HHAT: variants seen among roughly 807,000 people sequenced by gnomAD.
The protein encoded by HHAT is protein-cysteine N-palmitoyltransferase HHAT.
A neutral mutation model predicts 70.8 loss-of-function variants in HHAT; 47 were observed. The observed-to-expected ratio is 0.66, with a 90% CI of 0.53 to 0.85. HHAT has a LOEUF of 0.85. HHAT is among the 40% of genes least tolerant of loss of function. HHAT has a pLI of 0.00. For missense variants in HHAT, 609 were observed against 604.8 expected (o/e 1.01, Z -0.07); for synonymous variants, 228 against 247.6 (o/e 0.92, Z 0.74).
intron 10 of HHAT, among the ~76,000 whole-genome samples, chr1:210,611,886 C>T (rs6540612): frequency 0.8 from 121,693 of 152,068 alleles, 51,213 homozygotes; most frequent in East Asian, 0.99. Context: ...AGCTTTTTGA[C>T]GTGCTGCTGG....
chr1:210,639,285 CAA>C (rs1018510052), intron 11 of HHAT, among the ~76,000 whole-genome samples: 3 of 151,506 alleles, frequency 2.0e-5, no homozygotes, highest in African/African-American at 7.3e-5. Flanking sequence ...AAACAAAATA[CAA>C]AAAAAAACTT....
At chr1:210,636,739 G>A (rs1195456537) in intron 11 of HHAT, among the ~76,000 whole-genome samples, 4 of 152,112 alleles carry the variant, frequency 2.6e-5, no homozygotes, top group African/African-American at 9.7e-5. Context: ...CAGAAATCCT[G>A]CTTTTCCTCT....
chr1:210,614,200 A>G (rs1667188799), intron 10 of HHAT, among the ~76,000 whole-genome samples: 1 of 151,812 alleles, frequency 6.6e-6, no homozygotes, highest in Non-Finnish European at 1.5e-5. Flanking sequence ...TGCTTTCTTA[A>G]TTTCCTTTTC....
intron 7 of HHAT, among the ~76,000 whole-genome samples, chr1:210,420,652 A>C (rs935159473): frequency 7.3e-5 from 11 of 149,746 alleles, no homozygotes; most frequent in Admixed American, 5.4e-4. Context: ...CTTAAAGTAT[A>C]ATAATAATAA....
chr1:210,541,113 T>A (rs1273520233), intron 9 of HHAT, among the ~76,000 whole-genome samples: 3 of 152,186 alleles, frequency 2.0e-5, no homozygotes, highest in African/African-American at 7.2e-5. Context: ...AGTGCAAGGA[T>A]TACAGGTGTG....
At position 210,347,782 on chromosome 1, in the gene HHAT, G is replaced by A. The variant is rs182498667; in HGVS notation, c.-43-1151G>A. Among the ~76,000 whole-genome samples the A allele has an allele frequency of 6.2e-4, 95 of 152,216 alleles. 1 individual carries two copies. The highest frequency in any genetic ancestry group is 2.2e-3 in the African/African-American group (92 of 41,520). On this transcript the variant is annotated intron_variant, in intron 1 of 11. Coordinates refer to ENST00000261458, the MANE Select transcript of HHAT (RefSeq NM_018194.6). ...TGGTACCTGGATTTGGGGACTGAGA[G>A]GCCTCTGTCTTGTCCATGTGGCTTT... is the stretch of plus-strand genomic sequence containing the variant.
intron 10 of HHAT, among the ~76,000 whole-genome samples, chr1:210,597,423 G>A (rs1354851542): frequency 6.6e-6 from 1 of 152,160 alleles, no homozygotes; most frequent in Non-Finnish European, 1.5e-5. Flanking sequence ...AGGGTTATGG[G>A]TTCCTCCTGG....
intron 3 of HHAT, among the ~76,000 whole-genome samples, chr1:210,384,908 C>G (rs539349865): frequency 1.3e-5 from 2 of 152,126 alleles, no homozygotes; most frequent in Admixed American, 1.3e-4. Context: ...ATTGGCCCAG[C>G]TTTTCTGTTT....
chr1:210,419,212 G>T (rs773081487), intron 7 of HHAT, among the ~76,000 whole-genome samples: 24 of 152,132 alleles, frequency 1.6e-4, no homozygotes, highest in East Asian at 5.8e-4. Flanking sequence ...GCACATTGAG[G>T]GTGTACCTTG....
chr1:210,335,318 G>GAAA (rs11371332), intron 1 of HHAT, among the ~76,000 whole-genome samples: 102 of 145,704 alleles, frequency 7.0e-4, no homozygotes, highest in South Asian at 2.0e-3. Flanking sequence ...CATTCATGAT[G>GAAA]AAAAAAAAAA....
At chr1:210,647,734 C>T (rs1425294842) in intron 11 of HHAT, among the ~76,000 whole-genome samples, 15 of 152,316 alleles carry the variant, frequency 9.8e-5, no homozygotes, top group Non-Finnish European at 2.9e-5. Context: ...ACAGATTTCT[C>T]TTCTTAAATT....
At chr1:210,463,953 C>T (rs12407384) in intron 7 of HHAT, among the ~76,000 whole-genome samples, 18,928 of 152,160 alleles carry the variant, frequency 0.12, 1,524 homozygotes, top group South Asian at 0.17. Context: ...AACAGGCATA[C>T]GATGCATAAT....
chr1:210,362,062 C>T (rs1047510866), intron 2 of HHAT, among the ~76,000 whole-genome samples: 2 of 152,168 alleles, frequency 1.3e-5, no homozygotes, highest in African/African-American at 4.8e-5. Context: ...GGTTACTGTA[C>T]CTCCTCAAGA....
At chr1:210,649,968 C>T (rs772349242) in intron 11 of HHAT, among the ~76,000 whole-genome samples, 4 of 152,190 alleles carry the variant, frequency 2.6e-5, no homozygotes, top group Non-Finnish European at 5.9e-5. Flanking sequence ...TGTTAGGCTT[C>T]AGGAAAGCTT....
At chr1:210,352,655 C>T (rs892469095) in intron 2 of HHAT, among the ~76,000 whole-genome samples, 12 of 152,066 alleles carry the variant, frequency 7.9e-5, no homozygotes, top group African/African-American at 1.7e-4. Flanking sequence ...GGGGTTGTCA[C>T]GTGGTTGGGG....
intron 7 of HHAT, among the ~76,000 whole-genome samples, chr1:210,451,999 G>T (rs547905957): frequency 2.6e-5 from 4 of 152,302 alleles, no homozygotes; most frequent in African/African-American, 9.6e-5. Flanking sequence ...TCAAGGAGAG[G>T]CTAGGATTCT....
At chr1:210,378,214 A>T (rs1278208661) in intron 3 of HHAT, among the ~76,000 whole-genome samples, 1 of 152,208 alleles carries the variant, frequency 6.6e-6, no homozygotes, top group African/African-American at 2.4e-5. Flanking sequence ...CATTAAGGTC[A>T]GTTTGCTGCC....
intron 6 of HHAT, among the ~76,000 whole-genome samples, chr1:210,411,925 C>T (rs1049257324): frequency 7.2e-5 from 11 of 152,152 alleles, no homozygotes; most frequent in African/African-American, 2.4e-4. Context: ...ACGGCTATAA[C>T]AAAATATCAT....
intron 6 of HHAT, among the ~76,000 whole-genome samples, chr1:210,415,137 A>G (rs1157206048): frequency 1.3e-5 from 2 of 152,228 alleles, no homozygotes; most frequent in Non-Finnish European, 2.9e-5. Flanking sequence ...CATTGAATAA[A>G]AGTAGTTTTC....
Sources: allele counts gnomAD v4.1 joint callset (sites outside exome capture counted in the v4.1 genomes callset), GRCh38; gene constraint gnomAD v4.1.1; transcripts MANE v1.5; gene names NCBI Gene and HGNC (gene_info 2026-07-23, HGNC 2026-07-21).